The following RPS6KC1 variants were observed in gnomAD, a reference collection of about 807,000 sequenced individuals.
The protein encoded by RPS6KC1 is ribosomal protein S6 kinase C1, also known as inactive ribosomal protein S6 kinase delta-1.
A neutral mutation model predicts 103.8 loss-of-function variants in RPS6KC1; 54 were observed. The observed-to-expected ratio is 0.52, with a 90% CI of 0.42 to 0.65. RPS6KC1 has a LOEUF of 0.65. RPS6KC1 is among the 30% of genes least tolerant of loss of function. RPS6KC1 has a pLI of 0.00. For missense variants in RPS6KC1, 1,151 were observed against 1,253.8 expected (o/e 0.92, Z 1.24); for synonymous variants, 439 against 438.7 (o/e 1.00, Z -0.01).
At chr1:213,567,076 C>T in the RPS6KC1 span, among the ~76,000 whole-genome samples, 1 of 152,182 alleles carries the variant, frequency 6.6e-6, no homozygotes, top group African/African-American at 2.4e-5. Context: ...TTATCAGGCA[C>T]ATCAAGGTCA....
the RPS6KC1 span, among the ~76,000 whole-genome samples, chr1:213,625,891 C>T: frequency 1.3e-5 from 2 of 152,206 alleles, no homozygotes; most frequent in Non-Finnish European, 2.9e-5. Context: ...AATAAACATA[C>T]GTGTGCATGT....
chr1:213,315,346 T>C, the RPS6KC1 span, among the ~76,000 whole-genome samples: 6 of 152,210 alleles, frequency 3.9e-5, no homozygotes, highest in Non-Finnish European at 8.8e-5. Flanking sequence ...GACACTAGCC[T>C]GAGCAAAACC....
At chr1:213,813,237 C>T in the RPS6KC1 span, among the ~76,000 whole-genome samples, 5 of 151,998 alleles carry the variant, frequency 3.3e-5, no homozygotes, top group African/African-American at 4.8e-5. Context: ...GGCAAAAGAG[C>T]GAGGCTCTGT....
the RPS6KC1 span, among the ~76,000 whole-genome samples, chr1:213,568,214 T>C: frequency 6.6e-6 from 1 of 152,240 alleles, no homozygotes; most frequent in African/African-American, 2.4e-5. Context: ...CTGGTTTGCC[T>C]AGGATAAGGT....
At chr1:213,279,939 A>G in the RPS6KC1 span, among the ~76,000 whole-genome samples, 2 of 152,236 alleles carry the variant, frequency 1.3e-5, no homozygotes, top group African/African-American at 2.4e-5. Context: ...TGTTTTAACA[A>G]GCCCTTTCAG....
the RPS6KC1 span, among the ~76,000 whole-genome samples, chr1:213,746,425 A>C: frequency 0.01 from 1,526 of 152,326 alleles, 31 homozygotes; most frequent in African/African-American, 0.035. Flanking sequence ...TAAGGAGGCC[A>C]GTGTGACTAA....
At chr1:213,708,705 A>G in the RPS6KC1 span, among the ~76,000 whole-genome samples, 1 of 152,180 alleles carries the variant, frequency 6.6e-6, no homozygotes, top group African/African-American at 2.4e-5. Flanking sequence ...AATAGCTCAT[A>G]TTATTTTGAG....
At chr1:213,728,841 G>A in the RPS6KC1 span, among the ~76,000 whole-genome samples, 1 of 151,684 alleles carries the variant, frequency 6.6e-6, no homozygotes, top group African/African-American at 2.4e-5. Context: ...GGAAAGGTAG[G>A]CACAGAGAAG....
At chr1:213,680,201 C>T in the RPS6KC1 span, among the ~76,000 whole-genome samples, 36 of 152,136 alleles carry the variant, frequency 2.4e-4, no homozygotes, top group South Asian at 4.1e-4. Context: ...TTCGGGAACA[C>T]GAGTATTGCA....
intron 3 of RPS6KC1, among the ~76,000 whole-genome samples, chr1:213,078,407 A>G (rs1359825104): frequency 6.6e-6 from 1 of 151,892 alleles, no homozygotes; most frequent in East Asian, 1.9e-4. Context: ...TCTTATATGG[A>G]CAGAATTTTT....
chr1:213,570,533 A>G, the RPS6KC1 span, among the ~76,000 whole-genome samples: 1 of 152,284 alleles, frequency 6.6e-6, no homozygotes, highest in African/African-American at 2.4e-5. Flanking sequence ...ATAGAAGAAC[A>G]TGTGCTACCA....
At chr1:213,582,795 C>T in the RPS6KC1 span, among the ~76,000 whole-genome samples, 1 of 152,170 alleles carries the variant, frequency 6.6e-6, no homozygotes, top group African/African-American at 2.4e-5. Context: ...AAAATACACT[C>T]ATTTTAAATG....
the RPS6KC1 span, among the ~76,000 whole-genome samples, chr1:213,395,921 T>C: frequency 6.6e-6 from 1 of 152,216 alleles, no homozygotes; most frequent in Non-Finnish European, 1.5e-5. Context: ...TTGGATGGTA[T>C]TCCATAAAAG....
At chr1:213,492,527 G>T in the RPS6KC1 span, 1 of 152,226 alleles carries the variant, frequency 6.6e-6, no homozygotes, top group African/African-American at 2.4e-5. Flanking sequence ...GTCAAAGAGG[G>T]TCTTTGTGTG....
the RPS6KC1 span, among the ~76,000 whole-genome samples, chr1:213,380,793 A>G: frequency 6.6e-6 from 1 of 152,208 alleles, no homozygotes; most frequent in Non-Finnish European, 1.5e-5. Context: ...TCCTCGTCTC[A>G]GTATTTCCGC....
the RPS6KC1 span, among the ~76,000 whole-genome samples, chr1:213,592,824 G>A: frequency 6.6e-6 from 1 of 152,188 alleles, no homozygotes; most frequent in African/African-American, 2.4e-5. Flanking sequence ...CTAGTGGGAA[G>A]CAGACATTGA....
chr1:213,529,999 G>A, the RPS6KC1 span, among the ~76,000 whole-genome samples: 4 of 151,284 alleles, frequency 2.6e-5, no homozygotes, highest in East Asian at 5.8e-4. Flanking sequence ...GAGCGTTCAG[G>A]AACAGCCCCT....
chr1:213,417,692 T>C, the RPS6KC1 span, among the ~76,000 whole-genome samples: 1 of 152,090 alleles, frequency 6.6e-6, no homozygotes, highest in African/African-American at 2.4e-5. Flanking sequence ...TCAAGTAAAG[T>C]AGGCCTGCTT....
chr1:213,781,550 T>A, the RPS6KC1 span, among the ~76,000 whole-genome samples: 1 of 152,138 alleles, frequency 6.6e-6, no homozygotes, highest in Non-Finnish European at 1.5e-5. Context: ...TTTTTCCACG[T>A]GTGAATTTGG....
Sources: allele counts gnomAD v4.1 joint callset (sites outside exome capture counted in the v4.1 genomes callset), GRCh38; gene constraint gnomAD v4.1.1; transcripts MANE v1.5; gene names NCBI Gene and HGNC (gene_info 2026-07-23, HGNC 2026-07-21).